DNAJC17: variants seen among roughly 807,000 people sequenced by gnomAD.
The protein encoded by DNAJC17 is DnaJ heat shock protein family (Hsp40) member C17.
DNAJC17 carries 35 observed loss-of-function variants against 48.1 expected under a neutral mutation model. That is an observed-to-expected ratio of 0.73 (90% CI 0.56 to 0.96). The LOEUF (loss-of-function observed/expected upper bound fraction) is 0.96. DNAJC17 is among the 50% of genes least tolerant of loss of function. DNAJC17 has a pLI of 0.00. For synonymous variants in DNAJC17, 117 were observed against 142.7 expected (o/e 0.82, Z 1.28); for missense variants, 355 against 377.1 (o/e 0.94, Z 0.48).
Position 40,770,841 on chromosome 15 carries a change from C to CT in DNAJC17, c.793-2780dup. On this transcript the variant is annotated intron_variant, in intron 10 of 10. Coordinates refer to ENST00000220496, the MANE Select transcript of DNAJC17 (RefSeq NM_018163.3). The surrounding 1 kb of genome is among the most constrained non-coding windows in gnomAD (Gnocchi z 5.0). ...TGCCACCCTGCCATCGGCGCTCTCT[C>CT]TGTCGAGTGCCCTCCACCAGCACTC... 1 of 1,551,468 alleles carries CT rather than the reference C, an allele frequency of 6.4e-7. No homozygotes were observed. The highest frequency in any genetic ancestry group is 8.7e-7 in the Non-Finnish European group (1 of 1,146,984).
At chr15:40,779,888 A>C (rs1175156765) in intron 2 of DNAJC17, 40 bp downstream of exon 2, 1 of 1,595,452 alleles carries the variant, frequency 6.3e-7, no homozygotes, top group South Asian at 1.1e-5. Flanking sequence ...TGCCCGGGTG[A>C]GTGGGTTTCT....
chr15:40,799,049 G>C (rs1566830832), intron 1 of DNAJC17, among the ~76,000 whole-genome samples: 1 of 151,698 alleles, frequency 6.6e-6, no homozygotes, highest in Admixed American at 6.6e-5. Context: ...GAAACCCCGT[G>C]TCTACTAAAA....
chr15:40,788,033 A>G (rs1889688855), intron 1 of DNAJC17, among the ~76,000 whole-genome samples: 1 of 152,160 alleles, frequency 6.6e-6, no homozygotes, highest in Non-Finnish European at 1.5e-5. Flanking sequence ...AGGCAGCTCT[A>G]TGTGACAACA....
chr15:40,800,658 T>C (rs919636834), intron 1 of DNAJC17, among the ~76,000 whole-genome samples: 2 of 149,354 alleles, frequency 1.3e-5, no homozygotes, highest in Non-Finnish European at 3.0e-5. Flanking sequence ...CATTTAAACA[T>C]GTAAAACCCA....
chr15:40,796,749 GTA>G (rs1214807111), intron 1 of DNAJC17, among the ~76,000 whole-genome samples: 1 of 152,060 alleles, frequency 6.6e-6, no homozygotes, highest in Non-Finnish European at 1.5e-5. Context: ...CTCCTTCTGG[GTA>G]TATATCAAAA....
At chr15:40,785,549 T>C (rs905361560) in intron 1 of DNAJC17, among the ~76,000 whole-genome samples, 1 of 152,208 alleles carries the variant, frequency 6.6e-6, no homozygotes, top group South Asian at 2.1e-4. Context: ...TGTAAGCACC[T>C]GACAAAAACT....
rs138355075 is a variant in DNAJC17, at chr15:40,765,479, C to T, written c.*2461G>A. The T allele has an allele frequency of 2.3e-5, 4 of 174,904 alleles. No individual in the cohort carries two copies. The East Asian group carries it at 5.9e-4, about 26-fold the overall frequency. The allele number at this position is 174,904 out of a possible 1,614,324, so 10.8% of individuals were successfully genotyped here. A position where few individuals can be genotyped will look rare whatever the true frequency, so the allele number is the denominator to read the frequency against. ...TGAAATGGAGTCTCACTCTGTCACC[C>T]AGGCTGGAGTGCAGTGGTGCAATCA... On this transcript the variant is annotated 3_prime_UTR_variant, in exon 11 of 11. Transcript: ENST00000220496.
chr15:40,789,551 G>C (rs888504486), intron 1 of DNAJC17, among the ~76,000 whole-genome samples: 6 of 151,854 alleles, frequency 4.0e-5, no homozygotes, highest in African/African-American at 1.5e-4. Flanking sequence ...CTCTCAGCTT[G>C]TAGATTCTCA....
chr15:40,779,684 T>C, intron 2 of DNAJC17, 81 bp from the exon 3 acceptor site: 3 of 1,295,898 alleles, frequency 2.3e-6, no homozygotes, highest in Admixed American at 2.2e-5. Flanking sequence ...AAAAAAAAAA[T>C]CTTCAAAGAA....
intron 1 of DNAJC17, among the ~76,000 whole-genome samples, chr15:40,790,243 T>C (rs1211473730): frequency 1.3e-5 from 2 of 152,042 alleles, no homozygotes; most frequent in Non-Finnish European, 2.9e-5. Context: ...GGTCCTGAAG[T>C]GTGGGTCACG....
At chr15:40,781,585 G>A (rs562201329) in intron 1 of DNAJC17, among the ~76,000 whole-genome samples, 16 of 152,174 alleles carry the variant, frequency 1.1e-4, no homozygotes, top group African/African-American at 1.9e-4. Context: ...AAATATTATA[G>A]TAGACAGAGG....
intron 1 of DNAJC17, among the ~76,000 whole-genome samples, chr15:40,783,526 G>A (rs1289217165): frequency 6.6e-6 from 1 of 152,200 alleles, no homozygotes; most frequent in Non-Finnish European, 1.5e-5. Context: ...GGGATGTAGG[G>A]GGGTTTTGTG....
intron 1 of DNAJC17, among the ~76,000 whole-genome samples, chr15:40,783,421 G>C (rs1441112820): frequency 1.3e-5 from 2 of 152,182 alleles, no homozygotes; most frequent in East Asian, 1.9e-4. Context: ...AGGAAGGGAG[G>C]GGGAGGCGGT....
intron 1 of DNAJC17, among the ~76,000 whole-genome samples, chr15:40,792,135 C>T (rs1303847671): frequency 3.9e-5 from 6 of 152,192 alleles, no homozygotes; most frequent in Non-Finnish European, 8.8e-5. Flanking sequence ...ATCTGCATGC[C>T]CCGGTTGCTC....
chr15:40,770,605 G>C lies in DNAJC17; in HGVS notation c.793-2543C>G, dbSNP rs1455364356. On this transcript the variant is annotated intron_variant, in intron 10 of 10. Transcript: ENST00000220496. The surrounding 1 kb of genome is among the most constrained non-coding windows in gnomAD (Gnocchi z 5.0). ...CAGAGTAGTGTGCTTAGCCAGGCCA[G>C]CACAGCAGGTGGGGACCACGAGGAG... 1.3e-6 allele frequency: 2 copies of C among 1,550,594 alleles called. No homozygotes were observed. Among genetic ancestry groups the C allele is most frequent in the South Asian group, 2.4e-5 (2 of 84,066 alleles).
rs1472181060 is a variant in DNAJC17 at position 40,766,644 on chromosome 15, T to G, written c.*1296A>C. 1 of 152,314 alleles carries G rather than the reference T, an allele frequency of 6.6e-6. No homozygotes were observed. The highest frequency in any genetic ancestry group is 1.5e-5 in the Non-Finnish European group (1 of 68,102). 9.4% of individuals were successfully genotyped at this position (152,314 alleles called of 1,614,324 possible). A position where few individuals can be genotyped will look rare whatever the true frequency, so the allele number is the denominator to read the frequency against. ...AGCCCTTTGTCTGCTTCATGGTCTT[T>G]CAGCATCAATTAAACCTGACAGAAG... On this transcript the variant is annotated 3_prime_UTR_variant, in exon 11 of 11. Transcript: ENST00000220496.
intron 10 of DNAJC17, among the ~76,000 whole-genome samples, chr15:40,773,024 G>T (rs950241613): frequency 1.3e-5 from 2 of 148,566 alleles, no homozygotes; most frequent in Non-Finnish European, 3.0e-5. Context: ...GCAATGGCAC[G>T]ATCTCGGCTC....
At chr15:40,791,373 C>CTACT (rs1452543694) in intron 1 of DNAJC17, among the ~76,000 whole-genome samples, 1 of 151,760 alleles carries the variant, frequency 6.6e-6, no homozygotes, top group Non-Finnish European at 1.5e-5. Context: ...ACTAAAAATA[C>CTACT]AAAAATTAAC....
At position 40,807,421 on chromosome 15, in the gene DNAJC17, T is replaced by C; in HGVS notation, c.26A>G (p.Gln9Arg). 1 of 1,614,268 alleles carries C rather than the reference T, an allele frequency of 6.2e-7. No homozygotes were observed. Among genetic ancestry groups the C allele is most frequent in the Non-Finnish European group, 8.5e-7 (1 of 1,180,048 alleles). The change falls in exon 1 of 11, where the codon CAG becomes CGG. Residue 9 changes from glutamine to arginine, a missense_variant. By Grantham distance (43) the Gln-to-Arg change is conservative (BLOSUM62 1). Around this residue, in one of 3 missense-constraint regions of DNAJC17, gnomAD observed 199 missense variants for 199.9 expected, o/e 1.00. Transcript: ENST00000220496. ...GCCTAGCAGCGCGTACAGGTCCATC[T>C]GTAAGAGCTCCTTGGTCACTGCCAT... MAVTKELL[Q>R]MDLYALLGIE... is the part of the protein sequence containing the mutation.
Sources: gnomAD v4.1 joint callset for allele counts (sites outside exome capture counted in the v4.1 genomes callset) on GRCh38, gnomAD v4.1.1 for gene constraint, gnomAD v4.1.1 regional missense constraint, Gnocchi (gnomAD v3.1) non-coding constraint, MANE v1.5 for transcripts, NCBI Gene and HGNC (gene_info 2026-07-23, HGNC 2026-07-21) for gene names.